CNTN5: variants seen among roughly 807,000 people sequenced by gnomAD.
CNTN5 encodes contactin 5, also known as contactin-5.
CNTN5 carries 77 observed loss-of-function variants against 129.1 expected under a neutral mutation model. The observed-to-expected ratio is 0.60, with a 90% CI of 0.50 to 0.72. The LOEUF (loss-of-function observed/expected upper bound fraction) is 0.72, where lower values mean the gene tolerates loss of function less well. Among genes scored for constraint, CNTN5 ranks in the 30% least tolerant of loss-of-function variants. The pLI, the probability that CNTN5 is intolerant of heterozygous loss-of-function variation, is 0.00. For synonymous variants in CNTN5, 509 were observed against 465.6 expected, an observed-to-expected ratio of 1.09 and a Z score of -1.20; for missense variants, 1,478 against 1,328.8, an observed-to-expected ratio of 1.11 and a Z score of -1.75.
chr11:99,121,922 A>G (rs956096058), intron 1 of CNTN5, among the ~76,000 whole-genome samples: 6 of 151,854 alleles, frequency 4.0e-5, no homozygotes, highest in Non-Finnish European at 7.4e-5. Flanking sequence ...CTAGATGACC[A>G]TATTTTTTAT....
In CNTN5 at chr11:100,052,437, G is replaced by A. The variant is rs911166673; in HGVS notation, c.981-8775G>A. Among the ~76,000 whole-genome samples, 11 of 151,816 alleles carry A rather than the reference G, an allele frequency of 7.2e-5. No homozygotes were observed. The East Asian group carries it at 1.9e-3, about 27-fold the overall frequency. On this transcript the variant is annotated intron_variant, in intron 9 of 24. Transcript: ENST00000524871. ...CTCTGATTGGAGGTGGCATAAATGT[G>A]TATGTGTATTTTCAAGAATCTACAA...
chr11:100,340,503 A>G lies in CNTN5; in HGVS notation c.2771A>G (p.Glu924Gly), dbSNP rs776991520. Residue 924 changes from glutamate (E) to glycine (G), a missense_variant, in exon 22 of 25, where the codon GAA (glutamate) becomes GGA (glycine). Coordinates refer to ENST00000524871, the MANE Select transcript of CNTN5 (RefSeq NM_014361.4). Reference sequence around the variant, plus strand: ...GACATGGAACAGGAAGATACAGCAGAAACAGTCAAAACTAGAGGGAATGAG... The same window carrying G: ...GACATGGAACAGGAAGATACAGCAGGAACAGTCAAAACTAGAGGGAATGAG... ...WKDMEQEDTA[E>G]TVKTRGNESF... The G allele has an allele frequency of 1.2e-6, 2 of 1,612,900 alleles. No homozygotes were observed. Among genetic ancestry groups the G allele is most frequent in the Non-Finnish European group, 1.7e-6 (2 of 1,179,376 alleles).
chr11:99,332,414 T>C (rs1866037644), intron 2 of CNTN5, among the ~76,000 whole-genome samples: 1 of 152,126 alleles, frequency 6.6e-6, no homozygotes. Flanking sequence ...TGGTATTGTA[T>C]CTTATACCAA....
chr11:99,795,585 G>T (rs2135456411), intron 3 of CNTN5, among the ~76,000 whole-genome samples: 1 of 114,828 alleles, frequency 8.7e-6, no homozygotes, highest in East Asian at 3.4e-4. Context: ...TTATCCTTTA[G>T]ATCTTTTTTT....
chr11:99,805,507 G>A (rs1946242055), intron 3 of CNTN5, among the ~76,000 whole-genome samples: 2 of 152,184 alleles, frequency 1.3e-5, no homozygotes, highest in Admixed American at 1.3e-4. Context: ...ACTATTTTCA[G>A]CTAGTTGTTT....
chr11:100,237,254 A>G (rs1274569863), intron 16 of CNTN5, among the ~76,000 whole-genome samples: 4 of 151,430 alleles, frequency 2.6e-5, no homozygotes, highest in African/African-American at 9.7e-5. Context: ...TCTGAAAGGC[A>G]ACCCACTGAC....
chr11:100,187,357 C>G (rs1948329367), intron 13 of CNTN5, among the ~76,000 whole-genome samples: 1 of 151,388 alleles, frequency 6.6e-6, no homozygotes, highest in South Asian at 2.1e-4. Flanking sequence ...TTAAAATGGC[C>G]ATACTTCCCA....
intron 8 of CNTN5, among the ~76,000 whole-genome samples, chr11:99,988,288 T>C (rs762836715): frequency 4.6e-5 from 7 of 152,188 alleles, no homozygotes; most frequent in African/African-American, 7.2e-5. Context: ...TTAACAATGG[T>C]TTAAAACAAC....
At chr11:100,078,942 G>T (rs1030516420) in intron 13 of CNTN5, among the ~76,000 whole-genome samples, 8 of 152,084 alleles carry the variant, frequency 5.3e-5, no homozygotes, top group African/African-American at 1.7e-4. Flanking sequence ...GTTCAGCATG[G>T]CTGGGGAGGC....
intron 3 of CNTN5, among the ~76,000 whole-genome samples, chr11:99,637,985 T>C (rs1951628919): frequency 6.6e-6 from 1 of 152,094 alleles, no homozygotes; most frequent in African/African-American, 2.4e-5. Context: ...CATAATGATG[T>C]TTCAGTCAAT....
At chr11:99,358,386 C>T (rs1354343502) in intron 2 of CNTN5, among the ~76,000 whole-genome samples, 2 of 123,658 alleles carry the variant, frequency 1.6e-5, no homozygotes, top group Non-Finnish European at 3.4e-5. Flanking sequence ...GCGCGGTGGC[C>T]GAAACCCTGT....
chr11:99,465,739 C>T (rs1036033519), intron 2 of CNTN5, among the ~76,000 whole-genome samples: 4 of 151,844 alleles, frequency 2.6e-5, no homozygotes, highest in African/African-American at 9.7e-5. Context: ...GCTTATGGTG[C>T]CGCAGGCTGC....
intron 8 of CNTN5, among the ~76,000 whole-genome samples, chr11:99,993,040 C>G (rs549697642): frequency 6.6e-6 from 1 of 152,272 alleles, no homozygotes; most frequent in African/African-American, 2.4e-5. Flanking sequence ...ATATTTTGAT[C>G]TTTGACTGTG....
intron 21 of CNTN5, among the ~76,000 whole-genome samples, chr11:100,324,173 T>G (rs1396024766): frequency 6.6e-6 from 1 of 152,184 alleles, no homozygotes; most frequent in Non-Finnish European, 1.5e-5. Flanking sequence ...ATATACACTC[T>G]GATTAGTAGC....
chr11:99,140,899 A>ATTTT lies in CNTN5; in HGVS notation c.-210+119636_-210+119639dup, dbSNP rs71046669. 4.6e-3 allele frequency among the ~76,000 whole-genome samples: 685 copies of ATTTT among 149,828 alleles called. 6 individuals carry two copies. The highest frequency in any genetic ancestry group is 0.016 in the African/African-American group (642 of 40,984). On this transcript the variant is annotated intron_variant, in intron 1 of 24. Transcript: ENST00000524871. Reference sequence around the variant, plus strand: ...GTGCTGCTTGATTCTATTTTCTAGTATTTTTTTTTTGAGGATGTTTGCAGC... The same window carrying ATTTT: ...GTGCTGCTTGATTCTATTTTCTAGTATTTTTTTTTTTTTTGAGGATGTTTGCAGC...
At chr11:99,903,200 T>G (rs1213976013) in intron 6 of CNTN5, among the ~76,000 whole-genome samples, 1 of 151,918 alleles carries the variant, frequency 6.6e-6, no homozygotes, top group African/African-American at 2.4e-5. Flanking sequence ...CGAATGAAGT[T>G]GAAAACAAAT....
intron 1 of CNTN5, among the ~76,000 whole-genome samples, chr11:99,323,927 G>A (rs939546265): frequency 6.6e-6 from 1 of 152,100 alleles, no homozygotes; most frequent in African/African-American, 2.4e-5. Flanking sequence ...AAGAAACAGA[G>A]GAAGAGACAG....
chr11:100,078,282 T>C (rs190402268), intron 13 of CNTN5, among the ~76,000 whole-genome samples: 1 of 152,278 alleles, frequency 6.6e-6, no homozygotes, highest in African/African-American at 2.4e-5. Context: ...GAAAATTTGA[T>C]AACTAGAAAA....
chr11:99,021,969 C>T (rs1862889531), intron 1 of CNTN5, among the ~76,000 whole-genome samples: 1 of 152,168 alleles, frequency 6.6e-6, no homozygotes, highest in African/African-American at 2.4e-5. Flanking sequence ...GTTGTTTCAA[C>T]TATATTTATT....
Sources: allele counts gnomAD v4.1 joint callset (sites outside exome capture counted in the v4.1 genomes callset), GRCh38; gene constraint gnomAD v4.1.1; transcripts MANE v1.5; gene names NCBI Gene and HGNC (gene_info 2026-07-23, HGNC 2026-07-21).